Variants in SLC18A1 observed in about 807,000 individuals in gnomAD.
SLC18A1 encodes the protein solute carrier family 18 member A1.
In SLC18A1, 69 loss-of-function variants were observed where a neutral mutation model predicts 53.7. That is an observed-to-expected ratio of 1.28 (90% CI 1.06 to 1.57). The LOEUF is 1.57. Ranked by LOEUF, SLC18A1 falls within the 40% of genes most tolerant of loss-of-function variation. The pLI, the probability that SLC18A1 is intolerant of heterozygous loss-of-function variation, is 0.00. For missense variants in SLC18A1, 932 were observed against 668.1 expected, an observed-to-expected ratio of 1.40 and a Z score of -4.35; for synonymous variants, 320 against 248.1, an observed-to-expected ratio of 1.29 and a Z score of -2.72.
chr8:20,155,769 A>G (rs2071668268), intron 10 of SLC18A1, among the ~76,000 whole-genome samples: 1 of 151,776 alleles, frequency 6.6e-6, no homozygotes, highest in Admixed American at 6.6e-5. Flanking sequence ...GTATCTCCAA[A>G]GGGGATCTAA....
intron 8 of SLC18A1, among the ~76,000 whole-genome samples, chr8:20,166,309 A>G (rs1439351149): frequency 1.1e-5 from 1 of 92,056 alleles, no homozygotes; most frequent in East Asian, 3.9e-4. Context: ...ATATATATAT[A>G]TATATATATA....
chr8:20,147,540 C>A, intron 14 of SLC18A1, 63 bp downstream of exon 14: 1 of 1,604,864 alleles, frequency 6.2e-7, no homozygotes, highest in East Asian at 2.2e-5. Flanking sequence ...AGCTTCCTGG[C>A]TGCACTTCCA....
chr8:20,157,880 G>T (rs1291756670), intron 10 of SLC18A1, among the ~76,000 whole-genome samples: 2 of 152,164 alleles, frequency 1.3e-5, no homozygotes, highest in Non-Finnish European at 2.9e-5. Flanking sequence ...AATATGGAAA[G>T]CCTGGGCAAA....
At chr8:20,171,247 C>G (rs546419597) in intron 7 of SLC18A1, 101 bp from the exon 8 acceptor site, 1 of 1,403,154 alleles carries the variant, frequency 7.1e-7, no homozygotes, top group Admixed American at 1.7e-5. Context: ...ATAAATTTAA[C>G]TCCCTGAGTT....
chr8:20,174,139 C>T (rs1469005313), intron 5 of SLC18A1, among the ~76,000 whole-genome samples: 1 of 152,012 alleles, frequency 6.6e-6, no homozygotes, highest in Admixed American at 6.6e-5. Flanking sequence ...TCTCAGACTC[C>T]TAGAATCAAG....
intron 14 of SLC18A1, 82 bp from the exon 15 acceptor site, chr8:20,147,473 C>T: frequency 1.3e-6 from 2 of 1,571,810 alleles, no homozygotes; most frequent in Non-Finnish European, 1.7e-6. Flanking sequence ...ATGCTAGGGG[C>T]AGTGGGTGAC....
chr8:20,172,977 A>G, intron 6 of SLC18A1, 59 bp downstream of exon 6: 7 of 1,251,714 alleles, frequency 5.6e-6, no homozygotes, highest in Non-Finnish European at 6.8e-6. Context: ...CACCTCGGGA[A>G]CACCTGCTTC....
Position 20,173,077 on chromosome 8 carries a change from G to C in SLC18A1, c.683C>G (p.Ala228Gly). Residue 228 changes from alanine to glycine, a missense_variant, in exon 6 of 16, where the codon GCC (alanine) becomes GGC (glycine). Ala to Gly is a moderately conservative substitution (Grantham distance 60, BLOSUM62 0). Transcript: ENST00000276373. ...VYTDDHERGRAMGTALGGLAL... is the reference protein window; with the variant it reads ...VYTDDHERGRGMGTALGGLAL... ...CAGGCCCCCCAGAGCAGTTCCCATG[G>C]CTCGTCCTCTCTCATGGTCATCAGT... 1 of 1,586,784 alleles carries C rather than the reference G, an allele frequency of 6.3e-7. No individual in the cohort carries two copies. Among genetic ancestry groups the C allele is most frequent in the East Asian group, 2.3e-5 (1 of 43,222 alleles).
chr8:20,169,076 C>T (rs1008550616), intron 8 of SLC18A1, among the ~76,000 whole-genome samples: 1 of 152,026 alleles, frequency 6.6e-6, no homozygotes, highest in Non-Finnish European at 1.5e-5. Flanking sequence ...CAGACAACAC[C>T]TTGACCCAGT....
At position 20,147,660 on chromosome 8, in the gene SLC18A1, C is replaced by G. The variant is rs1442830959; in HGVS notation, c.1273G>C (p.Val425Leu). ...GCGATGGCGTAGACACTCCCATACACCGAGGTGTGGCGTAGATCCACCAGG... is the reference window on the plus strand; with the variant it reads ...GCGATGGCGTAGACACTCCCATACAGCGAGGTGTGGCGTAGATCCACCAGG... ...GHLVDLRHTSVYGSVYAIADV... is the reference protein window; with the variant it reads ...GHLVDLRHTSLYGSVYAIADV... The change falls in exon 14 of 16, where the codon GTG becomes CTG. Residue 425 changes from valine to leucine, a missense_variant. Physicochemically the swap from Val to Leu is conservative, Grantham distance 32. Transcript: ENST00000276373. 1 of 1,614,080 alleles carries G rather than the reference C, an allele frequency of 6.2e-7. No homozygotes were observed. Among genetic ancestry groups the G allele is most frequent in the Non-Finnish European group, 8.5e-7 (1 of 1,179,990 alleles).
Position 20,179,433 on chromosome 8 carries a change from G to T in SLC18A1, c.176C>A (p.Ser59Tyr). The T allele has an allele frequency of 6.2e-7, 1 of 1,613,966 alleles. No homozygotes were observed. The change falls in exon 3 of 16, where the codon TCT (serine) becomes TAT (tyrosine). Residue 59 changes from serine to tyrosine, a missense_variant. Transcript: ENST00000276373. The stretch of plus-strand genomic sequence containing the variant: ...TCCGGCATGGCCGAGGTGCAGAGAA[G>T]AGTTGACTTCTTTGAACTCCATGTC... ...LYDMEFKEVN[S>Y]SLHLGHAGSS...
chr8:20,153,925 A>G (rs548501134), intron 10 of SLC18A1, among the ~76,000 whole-genome samples: 1 of 152,280 alleles, frequency 6.6e-6, no homozygotes, highest in South Asian at 2.1e-4. Context: ...CTCCAGTGGT[A>G]AAGGTGGGGC....
In SLC18A1 at chr8:20,147,996, G is replaced by C; in HGVS notation, c.1210+11C>G. 6.2e-7 allele frequency: 1 copy of C among 1,613,572 alleles called. No homozygotes were observed. Among genetic ancestry groups the C allele is most frequent in the Non-Finnish European group, 8.5e-7 (1 of 1,179,626 alleles). On this transcript the variant is annotated intron_variant, in intron 13 of 15. Coordinates refer to ENST00000276373, the MANE Select transcript of SLC18A1 (RefSeq NM_003053.4). ...CAGGGGCTTATTGTTTTCTTTGAGGGCACTTCTTACCTATGGCAAGGCCAA... is the reference window on the plus strand; with the variant it reads ...CAGGGGCTTATTGTTTTCTTTGAGGCCACTTCTTACCTATGGCAAGGCCAA...
chr8:20,180,984 C>T lies in SLC18A1; in HGVS notation c.-20G>A, dbSNP rs1428016600. The T allele has an allele frequency of 7.1e-6, 11 of 1,558,716 alleles. No individual in the cohort carries two copies. In the Admixed American group the frequency reaches 1.4e-4, roughly 19 times the overall value. On this transcript the variant is annotated 5_prime_UTR_variant, in exon 2 of 16. Transcript: ENST00000276373. ...GAGCATGGTGATGGCCGGACTGGGG[C>T]AGTCTTCCCCTGCGGGCTCTTAGGG...
At chr8:20,152,366 T>A (rs2071579544) in intron 10 of SLC18A1, among the ~76,000 whole-genome samples, 1 of 151,968 alleles carries the variant, frequency 6.6e-6, no homozygotes, top group African/African-American at 2.4e-5. Flanking sequence ...GGGACAAGAG[T>A]GGAAGTCAGA....
rs139485224 is a variant in SLC18A1, at chr8:20,157,143, C to G, written c.1016-6399G>C. 4.0e-3 allele frequency among the ~76,000 whole-genome samples: 611 copies of G among 152,258 alleles called. 4 individuals are homozygous for G. Among genetic ancestry groups the G allele is most frequent in the African/African-American group, 0.014 (577 of 41,558 alleles). On this transcript the variant is annotated intron_variant, in intron 10 of 15. Coordinates refer to ENST00000276373, the MANE Select transcript of SLC18A1 (RefSeq NM_003053.4). ...TAGGACCATAGAGGACACTCTAGGA[C>G]TAATGCTCATCGGAAAATGACTAGG...
At position 20,145,299 on chromosome 8, in the gene SLC18A1, C is replaced by T. The variant is rs1345945456; in HGVS notation, c.*464G>A. ...GACAATGCTGAGAACATTTTCTCAA[C>T]TCGGCTGGGAAAACCCGGGAAAGAA... On this transcript the variant is annotated 3_prime_UTR_variant, in exon 16 of 16. Coordinates refer to ENST00000276373, the MANE Select transcript of SLC18A1 (RefSeq NM_003053.4). The T allele has an allele frequency of 6.6e-6, 1 of 152,354 alleles. No individual in the cohort carries two copies. Among genetic ancestry groups the T allele is most frequent in the Non-Finnish European group, 1.5e-5 (1 of 68,292 alleles). 9.4% of individuals were successfully genotyped at this position (152,354 alleles called of 1,614,324 possible).
intron 15 of SLC18A1, 44 bp from the exon 16 acceptor site, chr8:20,145,920 ATTTT>A: frequency 4.3e-6 from 4 of 938,690 alleles, no homozygotes; most frequent in South Asian, 3.8e-5. Context: ...CATTATTATC[ATTTT>A]TTTTTTTTTG....
At position 20,179,153 on chromosome 8, in the gene SLC18A1, C is replaced by A. The variant is rs758149295; in HGVS notation, c.456G>T (p.Leu152=). The stretch of plus-strand genomic sequence containing the variant: ...TGAGAGGGCCCACGAATGGGTTGAC[C>A]AGAAGTTGCATCACAGCCTTTGAAG... ...LFASKAVMQL[L]VNPFVGPLTN... The change falls in exon 3 of 16, where the codon CTG becomes CTT. Residue 152 remains leucine (L), a synonymous_variant. Transcript: ENST00000276373. 6.2e-7 allele frequency: 1 copy of A among 1,613,712 alleles called. No homozygotes were observed. Among genetic ancestry groups the A allele is most frequent in the African/African-American group, 1.3e-5 (1 of 75,038 alleles).
Sources: gnomAD v4.1 joint callset for allele counts (sites outside exome capture counted in the v4.1 genomes callset) on GRCh38, gnomAD v4.1.1 for gene constraint, MANE v1.5 for transcripts, NCBI Gene and HGNC (gene_info 2026-07-23, HGNC 2026-07-21) for gene names.